FBXL7: variants seen among roughly 807,000 people sequenced by gnomAD.
FBXL7 encodes F-box and leucine rich repeat protein 7.
A neutral mutation model predicts 38.3 loss-of-function variants in FBXL7; 12 were observed. The ratio of observed to expected loss-of-function variants is 0.31; its 90% CI spans 0.20 to 0.51. The LOEUF is 0.51. Ranked by LOEUF, FBXL7 falls within the 20% of genes least tolerant of loss-of-function variation. FBXL7 has a pLI of 0.98. For synonymous variants in FBXL7, 297 were observed against 300.9 expected (o/e 0.99, Z 0.13); for missense variants, 567 against 676.4 (o/e 0.84, Z 1.79).
intron 2 of FBXL7, among the ~76,000 whole-genome samples, chr5:15,832,516 T>C (rs1330881137): frequency 6.6e-6 from 1 of 152,200 alleles, no homozygotes; most frequent in Non-Finnish European, 1.5e-5. Context: ...CATCTCAGGT[T>C]CAACTGAACC....
intron 1 of FBXL7, among the ~76,000 whole-genome samples, chr5:15,545,569 C>T (rs1424382383): frequency 6.6e-6 from 1 of 152,094 alleles, no homozygotes; most frequent in African/African-American, 2.4e-5. Context: ...TCAATTTCCC[C>T]CTTTCCTTAA....
At chr5:15,568,596 A>C (rs1322880471) in intron 1 of FBXL7, among the ~76,000 whole-genome samples, 1 of 151,538 alleles carries the variant, frequency 6.6e-6, no homozygotes, top group African/African-American at 2.4e-5. Context: ...TAGTTTAATT[A>C]GATCCCATTT....
chr5:15,538,636 A>G (rs962936776), intron 1 of FBXL7, among the ~76,000 whole-genome samples: 2 of 152,158 alleles, frequency 1.3e-5, no homozygotes, highest in African/African-American at 4.8e-5. Flanking sequence ...TTAATGGCAA[A>G]TGTGCTTTGG....
At chr5:15,732,774 A>AG (rs1735625679) in intron 2 of FBXL7, among the ~76,000 whole-genome samples, 1 of 152,190 alleles carries the variant, frequency 6.6e-6, no homozygotes, top group Admixed American at 6.5e-5. Flanking sequence ...AACTTGCTGA[A>AG]GTCAGATATA....
chr5:15,619,019 C>T (rs1271282527), intron 2 of FBXL7, among the ~76,000 whole-genome samples: 2 of 152,250 alleles, frequency 1.3e-5, no homozygotes, highest in South Asian at 2.1e-4. Flanking sequence ...CCCCATTTAA[C>T]GGTGATCCTA....
intron 2 of FBXL7, among the ~76,000 whole-genome samples, chr5:15,646,523 T>G (rs4428409): frequency 1 from 152,074 of 152,320 alleles, 75,914 homozygotes; most frequent in Middle Eastern, 1. Flanking sequence ...TACAGCGGGG[T>G]CTGAATAGAT....
intron 1 of FBXL7, among the ~76,000 whole-genome samples, chr5:15,506,732 C>G (rs558966786): frequency 2.6e-5 from 4 of 151,874 alleles, no homozygotes; most frequent in Admixed American, 2.6e-4. Flanking sequence ...AGCTAACTCT[C>G]TGGCCTCTTC....
intron 2 of FBXL7, among the ~76,000 whole-genome samples, chr5:15,760,664 A>G (rs1406387279): frequency 6.6e-6 from 1 of 152,174 alleles, no homozygotes; most frequent in Non-Finnish European, 1.5e-5. Context: ...CAGTACAAAG[A>G]TGCCATCCCC....
At chr5:15,753,823 T>G (rs1736218578) in intron 2 of FBXL7, among the ~76,000 whole-genome samples, 2 of 152,336 alleles carry the variant, frequency 1.3e-5, no homozygotes, top group East Asian at 1.9e-4. Context: ...ATTTATTTTT[T>G]TAAGACAGAA....
intron 2 of FBXL7, among the ~76,000 whole-genome samples, chr5:15,771,692 G>C (rs559439312): frequency 6.6e-6 from 1 of 151,634 alleles, no homozygotes; most frequent in East Asian, 2.0e-4. Flanking sequence ...AAAAATGTTT[G>C]CTACCTCTTT....
rs538762595 is a variant in FBXL7, at chr5:15,603,517, CCTTA to C, written c.38-12462_38-12459del. ...AGTAAAGCCAGAATTCAGGCCCAAG[CCTTA>C]CTTCTGGCTCCATGCCCTCCAGTGG... On this transcript the variant is annotated intron_variant, in intron 1 of 3. Transcript: ENST00000504595. Among the ~76,000 whole-genome samples, 563 of 152,316 alleles carry C rather than the reference CCTTA, an allele frequency of 3.7e-3. 3 individuals are homozygous for C. The highest frequency in any genetic ancestry group is 4.9e-3 in the Non-Finnish European group (333 of 68,038).
intron 2 of FBXL7, among the ~76,000 whole-genome samples, chr5:15,648,528 G>A (rs1326227035): frequency 6.6e-6 from 1 of 151,904 alleles, no homozygotes; most frequent in Non-Finnish European, 1.5e-5. Context: ...CATTTCTTTT[G>A]CCTGTCTGAA....
intron 2 of FBXL7, among the ~76,000 whole-genome samples, chr5:15,649,463 A>T (rs1417810388): frequency 2.0e-5 from 3 of 152,218 alleles, no homozygotes; most frequent in African/African-American, 7.2e-5. Context: ...AGAAAAGCTA[A>T]TAAGATTCAT....
chr5:15,829,394 A>C (rs937941684), intron 2 of FBXL7, among the ~76,000 whole-genome samples: 3 of 152,196 alleles, frequency 2.0e-5, no homozygotes, highest in Non-Finnish European at 2.9e-5. Flanking sequence ...TATAATTATG[A>C]AAAGCTGAAG....
intron 1 of FBXL7, among the ~76,000 whole-genome samples, chr5:15,572,387 TAAA>T (rs61523559): frequency 2.7e-3 from 297 of 110,510 alleles, no homozygotes; most frequent in African/African-American, 7.4e-3. Context: ...TGGTTTCTGC[TAAA>T]AAAAAAAAAA....
chr5:15,615,941 A>G, intron 1 of FBXL7, 42 bp from the exon 2 acceptor site: 1 of 1,443,382 alleles, frequency 6.9e-7, no homozygotes, highest in Non-Finnish European at 9.7e-7. Flanking sequence ...TCCAGGTCTG[A>G]AATTACAAAT....
At chr5:15,820,169 A>G (rs1738131985) in intron 2 of FBXL7, among the ~76,000 whole-genome samples, 1 of 152,192 alleles carries the variant, frequency 6.6e-6, no homozygotes, top group Non-Finnish European at 1.5e-5. Flanking sequence ...TTATGGAAGA[A>G]GAAAGCTGTT....
intron 2 of FBXL7, among the ~76,000 whole-genome samples, chr5:15,836,680 C>T (rs1354512467): frequency 7.2e-5 from 11 of 152,004 alleles, no homozygotes; most frequent in South Asian, 2.1e-4. Flanking sequence ...GAACTGAGTT[C>T]GGGAGGCAAT....
intron 2 of FBXL7, among the ~76,000 whole-genome samples, chr5:15,812,054 A>T (rs950847154): frequency 6.6e-5 from 10 of 152,188 alleles, no homozygotes; most frequent in African/African-American, 2.4e-4. Flanking sequence ...TTATTGCAGC[A>T]CTATTTACAA....
Sources: gnomAD v4.1 joint callset for allele counts (sites outside exome capture counted in the v4.1 genomes callset) on GRCh38, gnomAD v4.1.1 for gene constraint, MANE v1.5 for transcripts, NCBI Gene and HGNC (gene_info 2026-07-23, HGNC 2026-07-21) for gene names.